The following TGM3 variants were observed in gnomAD, a reference collection of about 807,000 sequenced individuals.
TGM3 encodes protein-glutamine gamma-glutamyltransferase E.
In TGM3, 52 loss-of-function variants were observed where a neutral mutation model predicts 73.8. The observed-to-expected ratio is 0.70, with a 90% CI of 0.56 to 0.89. The LOEUF is 0.89. Among genes scored for constraint, TGM3 ranks in the 40% least tolerant of loss-of-function variants. The pLI is 0.00. For missense variants in TGM3, 928 were observed against 909.9 expected, an observed-to-expected ratio of 1.02 and a Z score of -0.26; for synonymous variants, 372 against 354.9, an observed-to-expected ratio of 1.05 and a Z score of -0.54.
At chr20:2,331,780 G>A (rs2084321931) in intron 9 of TGM3, among the ~76,000 whole-genome samples, 1 of 152,208 alleles carries the variant, frequency 6.6e-6, no homozygotes, top group South Asian at 2.1e-4. Context: ...CTTTTCTACA[G>A]ATTTTGGGAA....
At chr20:2,331,922 G>A (rs183705995) in intron 9 of TGM3, 80 bp from the exon 10 acceptor site, 27 of 1,497,412 alleles carry the variant, frequency 1.8e-5, no homozygotes, top group Middle Eastern at 3.6e-4. Context: ...GTCCTAGGCC[G>A]CCTGTCCAGG....
chr20:2,296,011 A>G lies in TGM3; in HGVS notation c.-53A>G, dbSNP rs2084103968. The stretch of plus-strand genomic sequence containing the variant: ...AATCCTTGGCAGCCTGTCTGTCAGC[A>G]CTGTCCGTGCCATTCCCAGAGGAGC... On this transcript the variant is annotated 5_prime_UTR_variant, in exon 1 of 13. Coordinates refer to ENST00000381458, the MANE Select transcript of TGM3 (RefSeq NM_003245.4). 6.5e-7 allele frequency: 1 copy of G among 1,550,294 alleles called. No homozygotes were observed. The highest frequency in any genetic ancestry group is 1.4e-5 in the African/African-American group (1 of 73,032).
chr20:2,335,342 TG>T (rs1346160646), intron 11 of TGM3, 69 bp downstream of exon 11: 3 of 1,583,274 alleles, frequency 1.9e-6, no homozygotes, highest in Non-Finnish European at 2.6e-6. Flanking sequence ...GGAGCCCCAC[TG>T]TCCCTGTGAG....
At chr20:2,309,556 A>G in intron 1 of TGM3, 101 bp from the exon 2 acceptor site, 2 of 1,263,538 alleles carry the variant, frequency 1.6e-6, no homozygotes, top group Non-Finnish European at 2.2e-6. Flanking sequence ...TCTGCCCTTG[A>G]CAAGCCTCAC....
chr20:2,328,037 T>A lies in TGM3; in HGVS notation c.1088-83T>A. ...GCGGGGCAGAGGCAGGGGGTTGCAG[T>A]GGTCCTGGAAGGCCCTGGGGAATCG... On this transcript the variant is annotated intron_variant, in intron 8 of 12. Coordinates refer to ENST00000381458, the MANE Select transcript of TGM3 (RefSeq NM_003245.4). The surrounding 1 kb of genome is among the most constrained non-coding windows in gnomAD (Gnocchi z 5.2). 13 of 1,581,204 alleles carry A rather than the reference T, an allele frequency of 8.2e-6. No homozygotes were observed. The highest frequency in any genetic ancestry group is 1.1e-5 in the Non-Finnish European group (13 of 1,159,760).
chr20:2,296,772 G>A (rs2084110878), intron 1 of TGM3, among the ~76,000 whole-genome samples: 1 of 152,154 alleles, frequency 6.6e-6, no homozygotes, highest in East Asian at 1.9e-4. Context: ...TTACTGTCGA[G>A]GATATGGGCC....
chr20:2,311,988 T>C (rs2084205942), intron 4 of TGM3, among the ~76,000 whole-genome samples: 2 of 152,186 alleles, frequency 1.3e-5, no homozygotes, highest in African/African-American at 4.8e-5. Context: ...CCTTCTCAGT[T>C]TGAGAAGCAA....
rs961151686 is a variant in TGM3 at position 2,332,619 on chromosome 20, C to T, written c.1642+309C>T. ...GTATATACCACCTCACACAGTTTGA[C>T]CGTCTAAAAAAAGGCAGATTTTCAG... On this transcript the variant is annotated intron_variant, in intron 10 of 12. Transcript: ENST00000381458. The surrounding 1 kb of genome is among the most constrained non-coding windows in gnomAD (Gnocchi z 4.4). Among the ~76,000 whole-genome samples the T allele has an allele frequency of 2.0e-5, 3 of 152,090 alleles. No individual in the cohort carries two copies. The highest frequency in any genetic ancestry group is 4.4e-5 in the Non-Finnish European group (3 of 68,022).
chr20:2,297,986 G>A (rs377744126), intron 1 of TGM3, among the ~76,000 whole-genome samples: 1 of 152,078 alleles, frequency 6.6e-6, no homozygotes, highest in African/African-American at 2.4e-5. Flanking sequence ...AAGAGAAGGA[G>A]ATTAGTCTTG....
intron 1 of TGM3, among the ~76,000 whole-genome samples, chr20:2,300,274 GAAGAA>G (rs959891148): frequency 2.6e-5 from 4 of 151,090 alleles, no homozygotes; most frequent in African/African-American, 7.4e-5. Context: ...GAAGAGAAGA[GAAGAA>G]AAGAAAGAAA....
At chr20:2,326,209 G>A (rs552365780) in intron 8 of TGM3, among the ~76,000 whole-genome samples, 2 of 152,268 alleles carry the variant, frequency 1.3e-5, no homozygotes, top group Non-Finnish European at 2.9e-5. Context: ...GGCAGAGAGA[G>A]CAGCCTTCCT....
Position 2,340,821 on chromosome 20 carries a change from G to T in TGM3, c.*240G>T. 1 of 643,792 alleles carries T rather than the reference G, an allele frequency of 1.6e-6. No individual in the cohort carries two copies. The allele number at this position is 643,792 out of a possible 1,614,324, so 39.9% of individuals were successfully genotyped here. On this transcript the variant is annotated 3_prime_UTR_variant, in exon 13 of 13. Coordinates refer to ENST00000381458, the MANE Select transcript of TGM3 (RefSeq NM_003245.4). ...CATTCCCTGGCCGCTTCTCCCCAGAGCTGCCTGCTCTGTGAGCCCCACAGC... is the reference window on the plus strand; with the variant it reads ...CATTCCCTGGCCGCTTCTCCCCAGATCTGCCTGCTCTGTGAGCCCCACAGC...
intron 11 of TGM3, among the ~76,000 whole-genome samples, chr20:2,335,551 T>C (rs1417921088): frequency 1.3e-5 from 2 of 152,220 alleles, no homozygotes; most frequent in African/African-American, 2.4e-5. Flanking sequence ...ACTGGGGGCA[T>C]CAGCTGAGGA....
At chr20:2,301,952 C>T (rs1012144627) in intron 1 of TGM3, among the ~76,000 whole-genome samples, 1 of 152,230 alleles carries the variant, frequency 6.6e-6, no homozygotes, top group African/African-American at 2.4e-5. Flanking sequence ...CTTCCTGCCT[C>T]GGCCTCCCAA....
intron 7 of TGM3, among the ~76,000 whole-genome samples, chr20:2,321,398 G>A (rs753497908): frequency 2.4e-4 from 37 of 152,190 alleles, no homozygotes; most frequent in Non-Finnish European, 3.8e-4. Context: ...CTCTCTTGGC[G>A]TGTCAGGAAA....
intron 7 of TGM3, among the ~76,000 whole-genome samples, chr20:2,319,431 G>C (rs1040755617): frequency 6.6e-6 from 1 of 152,206 alleles, no homozygotes; most frequent in African/African-American, 2.4e-5. Context: ...GCAAGTGACT[G>C]AGACAGGGAT....
chr20:2,334,999 C>T lies in TGM3; in HGVS notation c.1643-117C>T, dbSNP rs2084341136. ...TGGCCCAAGGAGGGCTCAGTCAAGCCCGGGGCTGCAGATCCTCCCACCAGC... is the reference window on the plus strand; with the variant it reads ...TGGCCCAAGGAGGGCTCAGTCAAGCTCGGGGCTGCAGATCCTCCCACCAGC... On this transcript the variant is annotated intron_variant, in intron 10 of 12. Transcript: ENST00000381458. This position sits in a 1 kb window ranked among gnomAD's most constrained non-coding sequence, Gnocchi z 4.0. The T allele has an allele frequency of 1.5e-6, 2 of 1,337,028 alleles. No homozygotes were observed. Among genetic ancestry groups the T allele is most frequent in the Non-Finnish European group, 2.1e-6 (2 of 958,118 alleles). 82.8% of individuals were successfully genotyped at this position (1,337,028 alleles called of 1,614,324 possible).
At chr20:2,296,402 G>A (rs569846784) in intron 1 of TGM3, among the ~76,000 whole-genome samples, 18 of 152,230 alleles carry the variant, frequency 1.2e-4, no homozygotes, top group East Asian at 7.7e-4. Flanking sequence ...GTCGCCACCC[G>A]TAAAGCCAAA....
intron 5 of TGM3, 42 bp downstream of exon 5, chr20:2,313,068 A>G: frequency 6.2e-7 from 1 of 1,612,716 alleles, no homozygotes; most frequent in Non-Finnish European, 8.5e-7. Flanking sequence ...GTCATCATAT[A>G]TTGAACACCA....
Sources: allele counts gnomAD v4.1 joint callset (sites outside exome capture counted in the v4.1 genomes callset), GRCh38; gene constraint gnomAD v4.1.1; non-coding constraint Gnocchi (gnomAD v3.1); transcripts MANE v1.5; gene names NCBI Gene and HGNC (gene_info 2026-07-23, HGNC 2026-07-21).